Variants in DPP6 observed in about 807,000 individuals in gnomAD.
The protein encoded by DPP6 is dipeptidyl peptidase like 6.
Under a neutral mutation model 122.6 loss-of-function variants are expected in DPP6, and 69 were observed. The observed-to-expected ratio is 0.56, with a 90% confidence interval of 0.46 to 0.69. DPP6 has a LOEUF of 0.69. Among genes scored for constraint, DPP6 ranks in the 30% least tolerant of loss-of-function variants. The probability of loss-of-function intolerance (pLI) is 0.00; values close to 1 mark genes in which losing one functional copy is unlikely to be tolerated. For missense variants in DPP6, 928 were observed against 1,116.9 expected (o/e 0.83, Z 2.41); for synonymous variants, 418 against 433.1 (o/e 0.97, Z 0.43).
At chr7:154,111,493 A>G (rs1806571699) in intron 1 of DPP6, among the ~76,000 whole-genome samples, 1 of 152,218 alleles carries the variant, frequency 6.6e-6, no homozygotes, top group Non-Finnish European at 1.5e-5. Flanking sequence ...CGGTGTGGGT[A>G]CTGTTGAGAT....
At chr7:154,219,186 C>T (rs996874124) in intron 1 of DPP6, among the ~76,000 whole-genome samples, 6 of 152,332 alleles carry the variant, frequency 3.9e-5, no homozygotes, top group Non-Finnish European at 5.9e-5. Context: ...CTGCCATCCT[C>T]TTGACCTTCA....
At chr7:154,425,576 C>T (rs1817812546) in intron 1 of DPP6, among the ~76,000 whole-genome samples, 1 of 147,944 alleles carries the variant, frequency 6.8e-6, no homozygotes, top group African/African-American at 2.5e-5. Flanking sequence ...TTTCTTTCTT[C>T]TGTTTATAGG....
intron 7 of DPP6, among the ~76,000 whole-genome samples, chr7:154,690,956 C>G (rs141781417): frequency 1.3e-5 from 2 of 152,336 alleles, no homozygotes; most frequent in Non-Finnish European, 2.9e-5. Flanking sequence ...GCACTAAATG[C>G]TTAAGCAGGG....
intron 7 of DPP6, among the ~76,000 whole-genome samples, chr7:154,710,764 T>C (rs1841128152): frequency 6.6e-6 from 1 of 152,188 alleles, no homozygotes; most frequent in African/African-American, 2.4e-5. Context: ...GTGTTTTGTG[T>C]GTGTAGAGTG....
At chr7:154,358,898 G>A (rs926249558) in intron 1 of DPP6, among the ~76,000 whole-genome samples, 1 of 152,100 alleles carries the variant, frequency 6.6e-6, no homozygotes, top group African/African-American at 2.4e-5. Flanking sequence ...TAGAGATGAG[G>A]TTTCCCTATG....
chr7:153,857,454 G>A, the DPP6 span, among the ~76,000 whole-genome samples: 2 of 151,262 alleles, frequency 1.3e-5, no homozygotes, highest in African/African-American at 4.9e-5. Flanking sequence ...TCAGAAAGAA[G>A]CTATTTCTAC....
intron 6 of DPP6, among the ~76,000 whole-genome samples, chr7:154,664,047 A>G (rs1167411038): frequency 9.8e-6 from 1 of 102,154 alleles, no homozygotes; most frequent in African/African-American, 2.8e-5. Flanking sequence ...ACCATGGCAT[A>G]TCGGCCGTAG....
chr7:154,046,026 C>T (rs1350564822), intron 1 of DPP6, among the ~76,000 whole-genome samples: 1 of 151,952 alleles, frequency 6.6e-6, no homozygotes, highest in Non-Finnish European at 1.5e-5. Context: ...AGTGACTTAC[C>T]CAACAAGTAT....
At chr7:153,783,578 T>C in the DPP6 span, among the ~76,000 whole-genome samples, 2 of 152,190 alleles carry the variant, frequency 1.3e-5, no homozygotes, top group African/African-American at 4.8e-5. Context: ...TTCTTTTCTT[T>C]GGGCATGTCA....
At chr7:154,323,421 A>T (rs1444273658) in intron 1 of DPP6, among the ~76,000 whole-genome samples, 1 of 151,994 alleles carries the variant, frequency 6.6e-6, no homozygotes, top group Non-Finnish European at 1.5e-5. Flanking sequence ...TGAGTGTGAG[A>T]TCCTTTTGGC....
the DPP6 span, among the ~76,000 whole-genome samples, chr7:153,791,651 C>T: frequency 6.6e-6 from 1 of 152,104 alleles, no homozygotes; most frequent in East Asian, 1.9e-4. Context: ...AACTCCTGAC[C>T]TCAGGTGATC....
the DPP6 span, among the ~76,000 whole-genome samples, chr7:153,874,101 A>G: frequency 2.6e-5 from 4 of 152,352 alleles, no homozygotes; most frequent in African/African-American, 7.2e-5. Flanking sequence ...GCAAAAGTGA[A>G]TCCACTCTGG....
intron 1 of DPP6, among the ~76,000 whole-genome samples, chr7:154,137,658 T>TGGGGGGGTGG (rs1795634218): frequency 6.2e-5 from 3 of 48,418 alleles, no homozygotes. Context: ...GGTGGGGGGG[T>TGGGGGGGTGG]GGGGGGGGTG....
At chr7:154,272,344 A>G (rs1357480963) in intron 1 of DPP6, among the ~76,000 whole-genome samples, 1 of 152,248 alleles carries the variant, frequency 6.6e-6, no homozygotes, top group African/African-American at 2.4e-5. Flanking sequence ...GTTACTTCTT[A>G]TGGTCCTTTT....
At chr7:154,621,489 C>T (rs1421305588) in intron 5 of DPP6, among the ~76,000 whole-genome samples, 1 of 152,194 alleles carries the variant, frequency 6.6e-6, no homozygotes, top group Non-Finnish European at 1.5e-5. Context: ...CTGCCTCAGC[C>T]TCCCAAGTAG....
intron 3 of DPP6, among the ~76,000 whole-genome samples, chr7:154,504,035 C>T (rs995288583): frequency 2.0e-5 from 3 of 152,108 alleles, no homozygotes; most frequent in Admixed American, 6.5e-5. Context: ...CTGAATGATC[C>T]CTGCTTGCTA....
chr7:154,634,074 C>G (rs957172231), intron 5 of DPP6, among the ~76,000 whole-genome samples: 1 of 148,596 alleles, frequency 6.7e-6, no homozygotes, highest in Non-Finnish European at 1.5e-5. Context: ...AGGTTTATAT[C>G]ATATGTATAC....
At chr7:154,164,876 C>T (rs1226423430) in intron 1 of DPP6, among the ~76,000 whole-genome samples, 3 of 152,196 alleles carry the variant, frequency 2.0e-5, no homozygotes, top group African/African-American at 7.2e-5. Context: ...CTGGACACTT[C>T]CTGGCTGGTT....
intron 1 of DPP6, among the ~76,000 whole-genome samples, chr7:153,897,139 T>C (rs1415956996): frequency 1.3e-5 from 2 of 152,240 alleles, no homozygotes; most frequent in African/African-American, 4.8e-5. Flanking sequence ...AAGACAGATA[T>C]TAGTTCTTTT....
Sources: allele counts gnomAD v4.1 joint callset (sites outside exome capture counted in the v4.1 genomes callset), GRCh38; gene constraint gnomAD v4.1.1; transcripts MANE v1.5; gene names NCBI Gene and HGNC (gene_info 2026-07-23, HGNC 2026-07-21).